NPLOC4: variants seen among roughly 807,000 people sequenced by gnomAD.
The protein encoded by NPLOC4 is nuclear protein localization protein 4 homolog.
Under a neutral mutation model 80.6 loss-of-function variants are expected in NPLOC4, and 18 were observed. The observed-to-expected ratio is 0.22, with a 90% CI of 0.15 to 0.33. The LOEUF is 0.33. NPLOC4 is among the 10% of genes least tolerant of loss of function. The pLI, the probability that NPLOC4 is intolerant of heterozygous loss-of-function variation, is 1.00. For missense variants in NPLOC4, 540 were observed against 786.1 expected, an observed-to-expected ratio of 0.69 and a Z score of 3.74; for synonymous variants, 313 against 301.5, an observed-to-expected ratio of 1.04 and a Z score of -0.39.
chr17:81,598,674 C>T (rs553462566), intron 9 of NPLOC4, among the ~76,000 whole-genome samples: 3 of 152,230 alleles, frequency 2.0e-5, no homozygotes, highest in African/African-American at 7.2e-5. Context: ...ATCCTTAGGC[C>T]CGCCTCTGCC....
Position 81,572,862 on chromosome 17 carries a change from C to T in NPLOC4, c.1282-774G>A, listed in dbSNP as rs139652049. Among the ~76,000 whole-genome samples the T allele has an allele frequency of 9.2e-3, 1,394 of 152,316 alleles. 21 individuals are homozygous for T. Among genetic ancestry groups the T allele is most frequent in the African/African-American group, 0.032 (1,310 of 41,556 alleles). On this transcript the variant is annotated intron_variant, in intron 12 of 16. Coordinates refer to ENST00000331134, the MANE Select transcript of NPLOC4 (RefSeq NM_017921.4). This position sits in a 1 kb window ranked among gnomAD's most constrained non-coding sequence, Gnocchi z 4.5. ...AACCCGACTTTCCAGAAACCGAGTA[C>T]TTGGACATTAATAAAATAAAGGCAT...
chr17:81,591,466 A>ACAAACAAACAAACAAAAAAAAAAAAAAC (rs1568136541), intron 11 of NPLOC4, among the ~76,000 whole-genome samples: 190 of 142,472 alleles, frequency 1.3e-3, no homozygotes, highest in African/African-American at 4.8e-3. Flanking sequence ...AAAAAAAAAA[A>ACAAACAAACAAACAAAAAAAAAAAAAAC]AAAAAACCTG....
intron 12 of NPLOC4, among the ~76,000 whole-genome samples, chr17:81,587,373 T>G (rs976735370): frequency 2.6e-5 from 4 of 152,110 alleles, no homozygotes; most frequent in African/African-American, 9.7e-5. Flanking sequence ...TGGAGTGCAG[T>G]GGCACAATCT....
intron 2 of NPLOC4, among the ~76,000 whole-genome samples, chr17:81,624,529 G>A (rs988220936): frequency 6.6e-6 from 1 of 152,056 alleles, no homozygotes; most frequent in Non-Finnish European, 1.5e-5. Flanking sequence ...GACCTGGGAG[G>A]CGGAGCTGCA....
At chr17:81,628,625 G>A (rs1398170680) in intron 2 of NPLOC4, among the ~76,000 whole-genome samples, 1 of 152,202 alleles carries the variant, frequency 6.6e-6, no homozygotes, top group Non-Finnish European at 1.5e-5. Flanking sequence ...AAGGCTAATG[G>A]ATGTTTTTCA....
intron 14 of NPLOC4, 50 bp downstream of exon 14, chr17:81,568,966 T>C (rs1468343138): frequency 6.1e-6 from 7 of 1,149,746 alleles, no homozygotes; most frequent in South Asian, 5.0e-5. Context: ...TGACACTAGA[T>C]AACAATCAGC....
At chr17:81,611,723 G>C (rs1341960316) in intron 4 of NPLOC4, among the ~76,000 whole-genome samples, 3 of 151,956 alleles carry the variant, frequency 2.0e-5, no homozygotes, top group Non-Finnish European at 4.4e-5. Flanking sequence ...CACTTTGGGA[G>C]GCCGAGGCGG....
rs568573247 is a variant in NPLOC4 at position 81,629,881 on chromosome 17, G to A, written c.16-76C>T. 205 of 1,089,312 alleles carry A rather than the reference G, an allele frequency of 1.9e-4. 2 individuals are homozygous for A. In the South Asian group the frequency reaches 2.3e-3, roughly 12 times the overall value. 67.5% of individuals were successfully genotyped at this position (1,089,312 alleles called of 1,614,324 possible). On this transcript the variant is annotated intron_variant, in intron 1 of 16. Transcript: ENST00000331134. The stretch of plus-strand genomic sequence containing the variant: ...TCTAATACTACGGCTTCCATCTGTG[G>A]TCTTTTAGCATCTGGGTCACTGAAA...
At chr17:81,588,675 ACTGT>A (rs1208311106) in intron 12 of NPLOC4, among the ~76,000 whole-genome samples, 7 of 152,220 alleles carry the variant, frequency 4.6e-5, no homozygotes, top group African/African-American at 1.7e-4. Flanking sequence ...AGAAACTGAG[ACTGT>A]CTGTGTTGCA....
chr17:81,558,605 C>A lies in NPLOC4; in HGVS notation c.*654G>T, dbSNP rs2033729300. The A allele has an allele frequency of 6.6e-6, 1 of 152,206 alleles. No individual in the cohort carries two copies. The highest frequency in any genetic ancestry group is 1.5e-5 in the Non-Finnish European group (1 of 68,046). 9.4% of individuals were successfully genotyped at this position (152,206 alleles called of 1,614,324 possible). On this transcript the variant is annotated 3_prime_UTR_variant, in exon 17 of 17. Transcript: ENST00000331134. ...ATCTTAAAAAAAAATAAATAAAAGTCTTCTGGGCAGGAATTACTGATAACT... is the reference window on the plus strand; with the variant it reads ...ATCTTAAAAAAAAATAAATAAAAGTATTCTGGGCAGGAATTACTGATAACT...
In NPLOC4 at chr17:81,600,384, G is replaced by C. The variant is rs774977743; in HGVS notation, c.878C>G (p.Ala293Gly). Reference protein sequence around the residue: ...NSLELLEDPKAEVVDEIAAKL... With the variant: ...NSLELLEDPKGEVVDEIAAKL... ...GGCAGCAATTTCATCGACCACTTCA[G>C]CTTTTGGATCCTCAAGAAGCTCCAA... Residue 293 changes from alanine (A) to glycine (G), a missense_variant, in exon 9 of 17, where the codon GCT becomes GGT. Transcript: ENST00000331134. The C allele has an allele frequency of 3.7e-6, 6 of 1,612,674 alleles. No individual in the cohort carries two copies. The African/African-American group carries it at 5.3e-5, about 14-fold the overall frequency.
At chr17:81,591,668 T>C (rs934858737) in intron 11 of NPLOC4, among the ~76,000 whole-genome samples, 4 of 152,146 alleles carry the variant, frequency 2.6e-5, no homozygotes, top group Non-Finnish European at 4.4e-5. Flanking sequence ...CCTTTCCACA[T>C]GCAGCAGCAG....
At chr17:81,611,251 C>T (rs1329205480) in intron 4 of NPLOC4, among the ~76,000 whole-genome samples, 1 of 152,040 alleles carries the variant, frequency 6.6e-6, no homozygotes, top group Non-Finnish European at 1.5e-5. Context: ...ACCTGGGAGG[C>T]AAAGGTTGCG....
intron 12 of NPLOC4, among the ~76,000 whole-genome samples, chr17:81,578,683 G>A (rs893295932): frequency 6.6e-6 from 1 of 152,108 alleles, no homozygotes; most frequent in Non-Finnish European, 1.5e-5. Flanking sequence ...AACACATCTT[G>A]TGAGAATGCA....
chr17:81,603,791 C>T (rs1480298443), intron 8 of NPLOC4, among the ~76,000 whole-genome samples: 1 of 152,032 alleles, frequency 6.6e-6, no homozygotes, highest in Admixed American at 6.6e-5. Context: ...TGTACTTCTC[C>T]CTAAATAGTA....
chr17:81,631,245 T>C (rs1568170705), intron 1 of NPLOC4, among the ~76,000 whole-genome samples: 2 of 151,108 alleles, frequency 1.3e-5, no homozygotes. Flanking sequence ...TTTAGTAGGG[T>C]TTTGAAAAAA....
Position 81,572,282 on chromosome 17 carries a change from A to G in NPLOC4, c.1282-194T>C, listed in dbSNP as rs917035458. Among the ~76,000 whole-genome samples, 2 of 151,940 alleles carry G rather than the reference A, an allele frequency of 1.3e-5. No individual in the cohort carries two copies. The highest frequency in any genetic ancestry group is 4.8e-5 in the African/African-American group (2 of 41,354). ...CCACTCACTGCAAGCTCCGCCTCCCAGGTTCACACCATTCTCCTGCCTCAG... is the reference window on the plus strand; with the variant it reads ...CCACTCACTGCAAGCTCCGCCTCCCGGGTTCACACCATTCTCCTGCCTCAG... On this transcript the variant is annotated intron_variant, in intron 12 of 16. Coordinates refer to ENST00000331134, the MANE Select transcript of NPLOC4 (RefSeq NM_017921.4). This position sits in a 1 kb window ranked among gnomAD's most constrained non-coding sequence, Gnocchi z 4.5.
At chr17:81,618,583 TG>T (rs1195936976) in intron 3 of NPLOC4, among the ~76,000 whole-genome samples, 1 of 62,388 alleles carries the variant, frequency 1.6e-5, no homozygotes, top group Non-Finnish European at 2.8e-5. Context: ...GGGAGGGAGG[TG>T]GGGGGTCAGC....
intron 3 of NPLOC4, among the ~76,000 whole-genome samples, chr17:81,619,185 C>T (rs1293713182): frequency 2.7e-5 from 4 of 146,014 alleles, no homozygotes; most frequent in Admixed American, 7.1e-5. Flanking sequence ...GCGAGAAACA[C>T]CCAAGAATGA....
Sources: gnomAD v4.1 joint callset for allele counts (sites outside exome capture counted in the v4.1 genomes callset) on GRCh38, gnomAD v4.1.1 for gene constraint, Gnocchi (gnomAD v3.1) non-coding constraint, MANE v1.5 for transcripts, NCBI Gene and HGNC (gene_info 2026-07-23, HGNC 2026-07-21) for gene names.